Variants in NAV3 observed in about 807,000 individuals in gnomAD.
The protein encoded by NAV3 is neuron navigator 3, also known as pore membrane and/or filament interacting like protein 1.
Under a neutral mutation model 244.7 loss-of-function variants are expected in NAV3, and 87 were observed. The observed-to-expected ratio is 0.36, with a 90% CI of 0.30 to 0.42. The LOEUF (loss-of-function observed/expected upper bound fraction) is 0.42, where lower values mean the gene tolerates loss of function less well. Among genes scored for constraint, NAV3 ranks in the 20% least tolerant of loss-of-function variants. The pLI is 1.00. For missense variants in NAV3, 2,663 were observed against 2,893.3 expected, an observed-to-expected ratio of 0.92 and a Z score of 1.83; for synonymous variants, 1,126 against 1,042.2, an observed-to-expected ratio of 1.08 and a Z score of -1.55.
At chr12:77,867,845 T>A (rs946215408) in intron 1 of NAV3, among the ~76,000 whole-genome samples, 8 of 152,194 alleles carry the variant, frequency 5.3e-5, no homozygotes, top group Non-Finnish European at 1.2e-4. Context: ...CTCCAAACCG[T>A]GTACAAAGTA....
chr12:78,034,882 A>T (rs1026402812), intron 9 of NAV3, among the ~76,000 whole-genome samples: 10 of 152,182 alleles, frequency 6.6e-5, no homozygotes, highest in Admixed American at 5.2e-4. Flanking sequence ...CAATTATCTG[A>T]TATTTGTACT....
intron 2 of NAV3, among the ~76,000 whole-genome samples, chr12:77,701,530 C>A (rs2137204831): frequency 6.6e-6 from 1 of 151,924 alleles, no homozygotes; most frequent in East Asian, 1.9e-4. Flanking sequence ...TCATACTCTT[C>A]ATTTTAAGCT....
intron 4 of NAV3, among the ~76,000 whole-genome samples, 174 bp downstream of exon 4, chr12:77,966,475 A>C (rs549138292): frequency 6.6e-6 from 1 of 152,262 alleles, no homozygotes; most frequent in East Asian, 1.9e-4. Flanking sequence ...ATGTGCTCTA[A>C]GTATTTAAAT....
intron 2 of NAV3, among the ~76,000 whole-genome samples, chr12:77,742,617 G>A (rs1868358541): frequency 6.6e-6 from 1 of 151,910 alleles, no homozygotes; most frequent in Admixed American, 6.6e-5. Flanking sequence ...ATTATAAACA[G>A]TTAAAATGTA....
At chr12:77,928,865 C>G (rs1480710899) in intron 1 of NAV3, among the ~76,000 whole-genome samples, 3 of 152,098 alleles carry the variant, frequency 2.0e-5, no homozygotes, top group Non-Finnish European at 4.4e-5. Flanking sequence ...AATGTAATTT[C>G]AGCTCTGATA....
At chr12:78,156,556 A>T (rs780771813) in intron 22 of NAV3, among the ~76,000 whole-genome samples, 1 of 152,118 alleles carries the variant, frequency 6.6e-6, no homozygotes, top group Non-Finnish European at 1.5e-5. Flanking sequence ...CACAAAGGGT[A>T]AAGGAGAGTA....
At chr12:77,663,004 G>A (rs573308200) in intron 2 of NAV3, among the ~76,000 whole-genome samples, 4 of 152,138 alleles carry the variant, frequency 2.6e-5, no homozygotes, top group African/African-American at 9.6e-5. Flanking sequence ...GCCTTATTAT[G>A]TTTATTGCAT....
chr12:78,167,842 C>T (rs1487545972), intron 23 of NAV3, among the ~76,000 whole-genome samples: 2 of 151,248 alleles, frequency 1.3e-5, no homozygotes, highest in African/African-American at 2.4e-5. Flanking sequence ...GAAATATGGT[C>T]TATACTGAAA....
At chr12:77,660,892 G>A (rs1431262557) in intron 2 of NAV3, among the ~76,000 whole-genome samples, 1 of 151,958 alleles carries the variant, frequency 6.6e-6, no homozygotes, top group Non-Finnish European at 1.5e-5. Flanking sequence ...ATATTATAAA[G>A]CCTCATCCAT....
At chr12:77,624,412 A>G (rs1871522913) in intron 2 of NAV3, among the ~76,000 whole-genome samples, 1 of 152,140 alleles carries the variant, frequency 6.6e-6, no homozygotes, top group Admixed American at 6.6e-5. Context: ...TTTTACTCAG[A>G]GTCACCTCAG....
chr12:77,699,663 A>T (rs1298089395), intron 2 of NAV3, among the ~76,000 whole-genome samples: 1 of 152,074 alleles, frequency 6.6e-6, no homozygotes, highest in East Asian at 1.9e-4. Context: ...CAGAGCACTT[A>T]CATGTGGCTT....
chr12:78,078,530 G>T (rs1417885993), intron 12 of NAV3, among the ~76,000 whole-genome samples: 2 of 149,818 alleles, frequency 1.3e-5, no homozygotes, highest in Non-Finnish European at 3.0e-5. Flanking sequence ...CAAGTAGCTG[G>T]GACTACAGGC....
At chr12:77,805,773 T>G (rs1411091384) in intron 2 of NAV3, among the ~76,000 whole-genome samples, 2 of 152,214 alleles carry the variant, frequency 1.3e-5, no homozygotes, top group African/African-American at 4.8e-5. Context: ...CTGGTAGAAC[T>G]TGGCTGTGAA....
At chr12:77,746,728 G>C (rs1038713296) in intron 2 of NAV3, among the ~76,000 whole-genome samples, 6 of 152,080 alleles carry the variant, frequency 3.9e-5, no homozygotes, top group Admixed American at 1.3e-4. Flanking sequence ...TAGTACATTA[G>C]GAAGGAATAT....
intron 3 of NAV3, among the ~76,000 whole-genome samples, chr12:77,959,224 C>G (rs1009464204): frequency 6.6e-6 from 1 of 152,108 alleles, no homozygotes; most frequent in Non-Finnish European, 1.5e-5. Flanking sequence ...TGGCTTCTAT[C>G]TGCTGACATT....
At chr12:77,836,191 GT>G (rs746088590) in intron 1 of NAV3, among the ~76,000 whole-genome samples, 10 of 152,198 alleles carry the variant, frequency 6.6e-5, no homozygotes, top group Non-Finnish European at 1.0e-4. Flanking sequence ...AAGAAAGAGT[GT>G]TCTATTTTGT....
intron 2 of NAV3, among the ~76,000 whole-genome samples, chr12:77,704,380 G>T (rs938543217): frequency 6.6e-6 from 1 of 152,122 alleles, no homozygotes; most frequent in South Asian, 2.1e-4. Flanking sequence ...ATTATTAACA[G>T]AAATTACATT....
At chr12:78,013,208 A>G (rs979081578) in intron 8 of NAV3, among the ~76,000 whole-genome samples, 1 of 152,170 alleles carries the variant, frequency 6.6e-6, no homozygotes, top group Non-Finnish European at 1.5e-5. Flanking sequence ...TGAGACATCA[A>G]GAATTGAGTG....
chr12:77,919,558 T>A (rs1389070772), intron 1 of NAV3, among the ~76,000 whole-genome samples: 1 of 152,098 alleles, frequency 6.6e-6, no homozygotes, highest in Non-Finnish European at 1.5e-5. Context: ...TCCCCCATTT[T>A]ACTAAAATAC....
Sources: gnomAD v4.1 joint callset for allele counts (sites outside exome capture counted in the v4.1 genomes callset) on GRCh38, gnomAD v4.1.1 for gene constraint, MANE v1.5 for transcripts, NCBI Gene and HGNC (gene_info 2026-07-23, HGNC 2026-07-21) for gene names.